Variants in CADPS observed in about 807,000 individuals in gnomAD.
The protein encoded by CADPS is calcium-dependent secretion activator 1.
In CADPS, 57 loss-of-function variants were observed where a neutral mutation model predicts 167.3. The ratio of observed to expected loss-of-function variants is 0.34; its 90% confidence interval spans 0.28 to 0.42. CADPS has a LOEUF of 0.42. Among genes scored for constraint, CADPS ranks in the 20% least tolerant of loss-of-function variants. The pLI, the probability that CADPS is intolerant of heterozygous loss-of-function variation, is 1.00. For missense variants in CADPS, 1,414 were observed against 1,738.1 expected (o/e 0.81, Z 3.32); for synonymous variants, 676 against 635.3 (o/e 1.06, Z -0.96).
At chr3:62,574,886 G>A (rs2081986250) in intron 8 of CADPS, among the ~76,000 whole-genome samples, 1 of 152,300 alleles carries the variant, frequency 6.6e-6, no homozygotes, top group South Asian at 2.1e-4. Context: ...TCTCTGTACG[G>A]ACAGAGAAAA....
At chr3:62,430,625 A>T (rs1429405078) in intron 28 of CADPS, among the ~76,000 whole-genome samples, 1 of 152,106 alleles carries the variant, frequency 6.6e-6, no homozygotes, top group Admixed American at 6.6e-5. Context: ...TTCCTCTGCC[A>T]AGGAAACTTA....
chr3:62,599,892 A>T lies in CADPS; in HGVS notation c.1326-7144T>A, dbSNP rs1384520197. On this transcript the variant is annotated intron_variant, in intron 6 of 29. Coordinates refer to ENST00000383710, the MANE Select transcript of CADPS (RefSeq NM_003716.4). ...TAATAATATATAATATATATATATT[A>T]TATATACCATATTATATATAATATA... 2.0e-3 allele frequency among the ~76,000 whole-genome samples: 151 copies of T among 76,850 alleles called. 1 individual carries two copies. Among genetic ancestry groups the T allele is most frequent in the African/African-American group, 7.4e-3 (144 of 19,436 alleles). 50.4% of individuals were successfully genotyped at this position (76,850 alleles called of 152,430 possible).
At chr3:62,576,813 A>AAAAAAAAAAAAAAAAAAAAAAAG (rs1562375615) in intron 8 of CADPS, among the ~76,000 whole-genome samples, 1 of 149,290 alleles carries the variant, frequency 6.7e-6, no homozygotes, top group African/African-American at 2.5e-5. Context: ...AAAAAAAAAA[A>AAAAAAAAAAAAAAAAAAAAAAAG]AAAAGCAGTC....
intron 6 of CADPS, among the ~76,000 whole-genome samples, chr3:62,615,351 G>A: frequency 6.6e-6 from 1 of 152,148 alleles, no homozygotes; most frequent in Admixed American, 6.5e-5. Context: ...CTACAAGAGT[G>A]ACTCTTAGTT....
intron 11 of CADPS, among the ~76,000 whole-genome samples, chr3:62,548,239 A>C (rs2076807208): frequency 6.6e-6 from 1 of 152,220 alleles, no homozygotes; most frequent in Non-Finnish European, 1.5e-5. Context: ...AACACACAAC[A>C]ATTAAACAAA....
intron 18 of CADPS, among the ~76,000 whole-genome samples, chr3:62,496,432 G>A (rs1435434973): frequency 6.6e-6 from 1 of 152,206 alleles, no homozygotes; most frequent in African/African-American, 2.4e-5. Flanking sequence ...ACCTTGAAAT[G>A]AATCTGCTCT....
intron 26 of CADPS, among the ~76,000 whole-genome samples, chr3:62,461,664 C>T (rs1330657565): frequency 1.3e-5 from 2 of 152,204 alleles, no homozygotes; most frequent in Admixed American, 6.5e-5. Context: ...CTGTATCCAT[C>T]GCTGACTCCT....
chr3:62,400,201 A>G (rs1271202063), intron 29 of CADPS, among the ~76,000 whole-genome samples: 1 of 152,194 alleles, frequency 6.6e-6, no homozygotes, highest in Non-Finnish European at 1.5e-5. Flanking sequence ...CTTGGGAAAG[A>G]ACTGTATCTA....
At chr3:62,726,985 A>T (rs2076864403) in intron 3 of CADPS, among the ~76,000 whole-genome samples, 1 of 151,878 alleles carries the variant, frequency 6.6e-6, no homozygotes, top group South Asian at 2.1e-4. Context: ...AAGTGAAAAC[A>T]GGAAGCACCT....
intron 1 of CADPS, among the ~76,000 whole-genome samples, chr3:62,861,819 C>G (rs952345304): frequency 6.6e-6 from 1 of 152,180 alleles, no homozygotes; most frequent in Non-Finnish European, 1.5e-5. Context: ...ATACTGGAAT[C>G]TTATACAATT....
chr3:62,632,472 G>A (rs1028254951), intron 6 of CADPS, among the ~76,000 whole-genome samples: 7 of 151,972 alleles, frequency 4.6e-5, no homozygotes, highest in African/African-American at 4.8e-5. Flanking sequence ...ACTTTTTAGC[G>A]GTTTTATCTG....
intron 3 of CADPS, among the ~76,000 whole-genome samples, chr3:62,698,138 T>C (rs2080687162): frequency 6.6e-6 from 1 of 152,122 alleles, no homozygotes. Context: ...TCACCCACCT[T>C]AGGTCTCTTG....
At position 62,458,581 on chromosome 3, in the gene CADPS, C is replaced by G. The variant is rs144887372; in HGVS notation, c.3636+6786G>C. ...TCAGCTCACTACAACCTCCGCCTCC[C>G]GAGTTCAAGCAATTCTCCTGGCTCA... On this transcript the variant is annotated intron_variant, in intron 26 of 29. Coordinates refer to ENST00000383710, the MANE Select transcript of CADPS (RefSeq NM_003716.4). The surrounding 1 kb of genome is among the most constrained non-coding windows in gnomAD (Gnocchi z 4.6). 6.6e-5 allele frequency among the ~76,000 whole-genome samples: 10 copies of G among 152,188 alleles called. No homozygotes were observed. Among genetic ancestry groups the G allele is most frequent in the East Asian group, 1.9e-4 (1 of 5,178 alleles).
chr3:62,427,990 T>C lies in CADPS; in HGVS notation c.3777+10114A>G, dbSNP rs530487876. On this transcript the variant is annotated intron_variant, in intron 28 of 29. Coordinates refer to ENST00000383710, the MANE Select transcript of CADPS (RefSeq NM_003716.4). ...AGACCTGGAGCTTTGTTGGTATAAC[T>C]GGCTTTAGTCCAGGGATGGTCAGAA... 5.3e-5 allele frequency among the ~76,000 whole-genome samples: 8 copies of C among 152,360 alleles called. No individual in the cohort carries two copies. The East Asian group carries it at 1.5e-3, about 29-fold the overall frequency.
At chr3:62,729,729 T>C (rs1208944381) in intron 3 of CADPS, among the ~76,000 whole-genome samples, 3 of 151,922 alleles carry the variant, frequency 2.0e-5, no homozygotes, top group Non-Finnish European at 2.9e-5. Flanking sequence ...GTTGTTGTTT[T>C]CTGCCAAGTG....
At chr3:62,605,570 A>C (rs2060585495) in intron 6 of CADPS, among the ~76,000 whole-genome samples, 1 of 152,218 alleles carries the variant, frequency 6.6e-6, no homozygotes, top group South Asian at 2.1e-4. Flanking sequence ...TTATCTGGGC[A>C]GCACAGGATT....
intron 1 of CADPS, among the ~76,000 whole-genome samples, chr3:62,813,401 T>C (rs2094473380): frequency 6.6e-6 from 1 of 152,118 alleles, no homozygotes; most frequent in Non-Finnish European, 1.5e-5. Flanking sequence ...CTGAGATAGC[T>C]GGCTAACCAT....
intron 3 of CADPS, among the ~76,000 whole-genome samples, chr3:62,747,094 C>T (rs538547415): frequency 1.3e-5 from 2 of 152,284 alleles, no homozygotes; most frequent in East Asian, 3.9e-4. Context: ...AGGCTGTATC[C>T]TCAGCATACA....
Position 62,438,386 on chromosome 3 carries a change from A to C in CADPS, c.3670-175T>G. On this transcript the variant is annotated intron_variant, in intron 27 of 29. Transcript: ENST00000383710. The surrounding 1 kb of genome is among the most constrained non-coding windows in gnomAD (Gnocchi z 4.7). The stretch of plus-strand genomic sequence containing the variant: ...TGGGCTGGTAGGAATTGATATTAGA[A>C]CTGCTTCCTCTTTCCAGAAATCAAG... 1 of 548,756 alleles carries C rather than the reference A, an allele frequency of 1.8e-6. No individual in the cohort carries two copies. Among genetic ancestry groups the C allele is most frequent in the Non-Finnish European group, 3.3e-6 (1 of 305,666 alleles). The allele number at this position is 548,756 out of a possible 1,614,324, so 34.0% of individuals were successfully genotyped here.
Sources: allele counts gnomAD v4.1 joint callset (sites outside exome capture counted in the v4.1 genomes callset), GRCh38; gene constraint gnomAD v4.1.1; non-coding constraint Gnocchi (gnomAD v3.1); transcripts MANE v1.5; gene names NCBI Gene and HGNC (gene_info 2026-07-23, HGNC 2026-07-21).